Variants in SGCD observed in about 807,000 individuals in gnomAD.
SGCD encodes sarcoglycan delta, also known as delta-sarcoglycan.
In SGCD, 18 loss-of-function variants were observed where a neutral mutation model predicts 36.6. The ratio of observed to expected loss-of-function variants is 0.49; its 90% CI spans 0.34 to 0.73. The LOEUF (loss-of-function observed/expected upper bound fraction) is 0.73. SGCD is among the 30% of genes least tolerant of loss of function. SGCD has a pLI of 0.01. For missense variants in SGCD, 387 were observed against 346.7 expected (o/e 1.12, Z -0.92); for synonymous variants, 133 against 130.6 (o/e 1.02, Z -0.12).
intron 7 of SGCD, among the ~76,000 whole-genome samples, chr5:156,755,632 A>T (rs1156587492): frequency 6.6e-6 from 1 of 152,212 alleles, no homozygotes; most frequent in Non-Finnish European, 1.5e-5. Context: ...AAATGAGATG[A>T]ACCACAATAA....
chr5:156,329,598 C>T lies in SGCD; in HGVS notation c.3+19C>T, dbSNP rs182715924. 1.4e-4 allele frequency: 226 copies of T among 1,610,626 alleles called. 3 individuals are homozygous for T. In the African/African-American group the frequency reaches 2.1e-3, roughly 15 times the overall value. ...GGAGATGGTGAGTAATTCCCGGGAG[C>T]GAAGCTTGTTCAAGGCCCTGCTCAT... On this transcript the variant is annotated intron_variant, in intron 2 of 8. Coordinates refer to ENST00000337851, the MANE Select transcript of SGCD (RefSeq NM_000337.6).
At chr5:156,113,177 C>T (rs1023204494) in intron 1 of SGCD, among the ~76,000 whole-genome samples, 2 of 152,108 alleles carry the variant, frequency 1.3e-5, no homozygotes, top group African/African-American at 4.8e-5. Context: ...GGCCTTCACA[C>T]TTTTTATAGG....
At chr5:156,679,328 T>C (rs775688653) in intron 7 of SGCD, among the ~76,000 whole-genome samples, 1 of 152,216 alleles carries the variant, frequency 6.6e-6, no homozygotes, top group South Asian at 2.1e-4. Flanking sequence ...GGATACCGCC[T>C]CTGAGGTCAG....
intron 3 of SGCD, among the ~76,000 whole-genome samples, chr5:156,307,347 T>C (rs1216398558): frequency 6.6e-6 from 1 of 152,180 alleles, no homozygotes; most frequent in Admixed American, 6.5e-5. Context: ...TAGCAAATTT[T>C]CTATCTTTAA....
the SGCD span, among the ~76,000 whole-genome samples, chr5:155,790,658 T>C: frequency 2.5e-4 from 38 of 152,242 alleles, no homozygotes; most frequent in Non-Finnish European, 4.6e-4. Context: ...CATTATATTA[T>C]AGAATTGGTA....
At chr5:156,085,949 A>G (rs191242836) in intron 1 of SGCD, among the ~76,000 whole-genome samples, 1 of 152,306 alleles carries the variant, frequency 6.6e-6, no homozygotes, top group East Asian at 1.9e-4. Context: ...TTTGTTTCCC[A>G]TGTTTGTCTC....
At chr5:155,825,186 G>A in the SGCD span, among the ~76,000 whole-genome samples, 13,875 of 152,036 alleles carry the variant, frequency 0.091, 818 homozygotes, top group South Asian at 0.2. Context: ...ATACTTTTGC[G>A]AAAAAGAAGT....
intron 1 of SGCD, among the ~76,000 whole-genome samples, chr5:156,087,885 C>T (rs1423753081): frequency 1.3e-5 from 2 of 152,112 alleles, no homozygotes; most frequent in South Asian, 2.1e-4. Flanking sequence ...GGAAGATTAG[C>T]GTGTTATTCT....
chr5:155,918,929 C>CT (rs1756813231), intron 1 of SGCD, among the ~76,000 whole-genome samples: 1 of 152,234 alleles, frequency 6.6e-6, no homozygotes, highest in Non-Finnish European at 1.5e-5. Context: ...GAAGCACATA[C>CT]TTTAAGAGGT....
chr5:156,260,700 C>A (rs1388290725), intron 3 of SGCD, among the ~76,000 whole-genome samples: 1 of 152,060 alleles, frequency 6.6e-6, no homozygotes, highest in Admixed American at 6.6e-5. Flanking sequence ...TTATTGAGCT[C>A]TCTGGGAGCT....
intron 7 of SGCD, among the ~76,000 whole-genome samples, chr5:156,701,178 A>G (rs976550801): frequency 7.2e-5 from 11 of 152,302 alleles, no homozygotes; most frequent in Non-Finnish European, 1.0e-4. Context: ...CAACAGGTAA[A>G]TCAAATGCTA....
chr5:156,738,810 A>G (rs1268295692), intron 7 of SGCD: 1 of 152,224 alleles, frequency 6.6e-6, no homozygotes, highest in Non-Finnish European at 1.5e-5. Context: ...TTTCGTCTTT[A>G]TAACAGTGCT....
chr5:156,201,176 G>A (rs932453255), intron 3 of SGCD, among the ~76,000 whole-genome samples: 3 of 152,120 alleles, frequency 2.0e-5, no homozygotes, highest in Admixed American at 6.6e-5. Flanking sequence ...ACAACAATGT[G>A]AATACATTTA....
intron 7 of SGCD, among the ~76,000 whole-genome samples, chr5:156,669,915 C>T (rs1360029982): frequency 1.3e-5 from 2 of 151,970 alleles, no homozygotes; most frequent in Non-Finnish European, 2.9e-5. Context: ...GTCTTGAGTA[C>T]CAAAACGTTT....
chr5:155,898,160 C>T (rs191255005), intron 1 of SGCD, among the ~76,000 whole-genome samples: 9 of 152,250 alleles, frequency 5.9e-5, no homozygotes, highest in Non-Finnish European at 1.0e-4. Context: ...GCCAGGGATA[C>T]TTATCAGCAA....
intron 4 of SGCD, among the ~76,000 whole-genome samples, chr5:156,547,337 G>A (rs1169898434): frequency 1.3e-5 from 2 of 152,092 alleles, no homozygotes; most frequent in African/African-American, 2.4e-5. Context: ...CATATCCATC[G>A]GGGGACAAAA....
At chr5:156,448,850 G>A (rs1018497216) in intron 3 of SGCD, among the ~76,000 whole-genome samples, 1 of 141,400 alleles carries the variant, frequency 7.1e-6, no homozygotes, top group Non-Finnish European at 1.5e-5. Context: ...CCTGATTCAA[G>A]TGATTCTCAA....
chr5:156,383,091 A>G (rs934655182), intron 3 of SGCD, among the ~76,000 whole-genome samples: 3 of 152,198 alleles, frequency 2.0e-5, no homozygotes, highest in Non-Finnish European at 4.4e-5. Context: ...TAGCAAAAAC[A>G]AAGACATGGA....
At chr5:156,713,278 C>T (rs1755072980) in intron 7 of SGCD, among the ~76,000 whole-genome samples, 1 of 152,062 alleles carries the variant, frequency 6.6e-6, no homozygotes, top group Non-Finnish European at 1.5e-5. Flanking sequence ...AGAAGGTATA[C>T]ATATTTATTA....
Sources: gnomAD v4.1 joint callset for allele counts (sites outside exome capture counted in the v4.1 genomes callset) on GRCh38, gnomAD v4.1.1 for gene constraint, MANE v1.5 for transcripts, NCBI Gene and HGNC (gene_info 2026-07-23, HGNC 2026-07-21) for gene names.